The following TIAM1 variants were observed in gnomAD, a reference collection of about 807,000 sequenced individuals.
TIAM1 encodes the protein rho guanine nucleotide exchange factor TIAM1.
Under a neutral mutation model 163.5 loss-of-function variants are expected in TIAM1, and 65 were observed. That is an observed-to-expected ratio of 0.40 (90% CI 0.33 to 0.49). The LOEUF (loss-of-function observed/expected upper bound fraction) is 0.49. Among genes scored for constraint, TIAM1 ranks in the 20% least tolerant of loss-of-function variants. TIAM1 has a pLI of 0.77. For synonymous variants in TIAM1, 833 were observed against 810.1 expected (o/e 1.03, Z -0.48); for missense variants, 1,789 against 2,044.7 (o/e 0.87, Z 2.41).
Position 31,154,238 on chromosome 21 carries a change from G to T in TIAM1, c.3171+9C>A. 2 of 1,611,922 alleles carry T rather than the reference G, an allele frequency of 1.2e-6. No homozygotes were observed. The highest frequency in any genetic ancestry group is 8.5e-7 in the Non-Finnish European group (1 of 1,178,436). ...AGAGGGAGGGCAGGGGGAGAAAAAA[G>T]AAACATACCTTCACGTAGGTGCGCT... On this transcript the variant is annotated intron_variant, in intron 17 of 27. Coordinates refer to ENST00000541036, the MANE Select transcript of TIAM1 (RefSeq NM_001353694.2).
At chr21:31,317,311 G>A (rs189665028) in intron 2 of TIAM1, among the ~76,000 whole-genome samples, 40 of 151,860 alleles carry the variant, frequency 2.6e-4, no homozygotes, top group East Asian at 5.9e-4. Context: ...AAAATTAGCC[G>A]GGCGTGGTGG....
chr21:31,449,373 CTTATT>C (rs1335696532), intron 2 of TIAM1, among the ~76,000 whole-genome samples: 3 of 151,750 alleles, frequency 2.0e-5, no homozygotes, highest in Admixed American at 6.6e-5. Flanking sequence ...TGTTTTGTTT[CTTATT>C]TTATTTATTT....
chr21:31,455,607 A>G (rs942721523), intron 2 of TIAM1, among the ~76,000 whole-genome samples: 2 of 152,026 alleles, frequency 1.3e-5, no homozygotes, highest in African/African-American at 4.8e-5. Flanking sequence ...GAATGAGAGT[A>G]ATGAAATATA....
chr21:31,263,777 G>A (rs1031964857), intron 4 of TIAM1, among the ~76,000 whole-genome samples: 8 of 152,128 alleles, frequency 5.3e-5, no homozygotes, highest in African/African-American at 1.4e-4. Context: ...AACAGTCTGC[G>A]TCACTGTATC....
At chr21:31,384,741 C>T (rs908390291) in intron 2 of TIAM1, among the ~76,000 whole-genome samples, 1 of 152,056 alleles carries the variant, frequency 6.6e-6, no homozygotes, top group African/African-American at 2.4e-5. Context: ...CAGTGGAGAC[C>T]CAAGAGGGTT....
intron 9 of TIAM1, among the ~76,000 whole-genome samples, chr21:31,215,478 T>C (rs2146586137): frequency 6.7e-6 from 1 of 150,246 alleles, no homozygotes; most frequent in South Asian, 2.1e-4. Context: ...AGAGAATCAC[T>C]TGAACCCAGG....
chr21:31,427,025 A>G (rs111385520), intron 2 of TIAM1, among the ~76,000 whole-genome samples: 3 of 152,236 alleles, frequency 2.0e-5, no homozygotes, highest in African/African-American at 7.2e-5. Context: ...GGCTCAAGCA[A>G]TCCTCCCACC....
intron 11 of TIAM1, 110 bp downstream of exon 11, chr21:31,209,934 GT>G (rs1326713445): frequency 8.3e-7 from 1 of 1,198,806 alleles, no homozygotes; most frequent in Non-Finnish European, 1.1e-6. Flanking sequence ...AGGGAGGTGT[GT>G]TTTAAGCACC....
At chr21:31,387,195 CTTT>C (rs60592178) in intron 2 of TIAM1, among the ~76,000 whole-genome samples, 26 of 75,152 alleles carry the variant, frequency 3.5e-4, no homozygotes, top group African/African-American at 1.1e-3. Flanking sequence ...AGCTTATTCT[CTTT>C]TTTTTTTTTT....
intron 2 of TIAM1, among the ~76,000 whole-genome samples, chr21:31,436,873 G>C (rs2044227596): frequency 6.6e-6 from 1 of 151,818 alleles, no homozygotes; most frequent in South Asian, 2.1e-4. Flanking sequence ...CAGGAGAATC[G>C]CTTGCACCCA....
chr21:31,555,953 G>A (rs1457647426), intron 1 of TIAM1, among the ~76,000 whole-genome samples: 1 of 152,078 alleles, frequency 6.6e-6, no homozygotes, highest in South Asian at 2.1e-4. Flanking sequence ...CTGGTTTAGA[G>A]GGGGAGGGGA....
At chr21:31,309,896 C>T (rs1248160436) in intron 2 of TIAM1, among the ~76,000 whole-genome samples, 1 of 152,180 alleles carries the variant, frequency 6.6e-6, no homozygotes, top group African/African-American at 2.4e-5. Context: ...GTAAAAAACC[C>T]AAATCCCCTT....
chr21:31,530,015 T>C (rs1360421944), intron 1 of TIAM1, among the ~76,000 whole-genome samples: 3 of 152,108 alleles, frequency 2.0e-5, no homozygotes, highest in African/African-American at 4.8e-5. Flanking sequence ...TACTAACACG[T>C]TGGAAGGCAA....
chr21:31,439,671 AATATGTAT>A (rs150978782), intron 2 of TIAM1, among the ~76,000 whole-genome samples: 6,578 of 152,306 alleles, frequency 0.043, 186 homozygotes, highest in Non-Finnish European at 0.066. Context: ...ACCAGTCATT[AATATGTAT>A]AAGCTTCCTA....
intron 1 of TIAM1, among the ~76,000 whole-genome samples, chr21:31,505,640 T>C (rs540981995): frequency 4.4e-4 from 67 of 152,272 alleles, no homozygotes; most frequent in African/African-American, 1.6e-3. Context: ...CCGTCTTAGA[T>C]GTTTAAAGCC....
intron 2 of TIAM1, among the ~76,000 whole-genome samples, chr21:31,306,845 C>T (rs531268651): frequency 8.9e-4 from 135 of 152,280 alleles, no homozygotes; most frequent in African/African-American, 2.7e-3. Context: ...CGTTTTCCAG[C>T]GCCCCGATTG....
At chr21:31,142,653 A>AAG (rs2082908527) in intron 20 of TIAM1, among the ~76,000 whole-genome samples, 11 of 151,774 alleles carry the variant, frequency 7.2e-5, no homozygotes, top group African/African-American at 2.4e-4. Flanking sequence ...AAAAGAAAGA[A>AAG]AAAAAGAAAA....
intron 8 of TIAM1, among the ~76,000 whole-genome samples, chr21:31,221,498 T>C (rs747809322): frequency 9.2e-5 from 14 of 152,134 alleles, no homozygotes; most frequent in Admixed American, 3.9e-4. Context: ...TACACACACA[T>C]CACAGACATT....
At chr21:31,482,313 G>A (rs761801435) in intron 1 of TIAM1, among the ~76,000 whole-genome samples, 13 of 151,818 alleles carry the variant, frequency 8.6e-5, no homozygotes, top group Middle Eastern at 3.2e-3. Context: ...CACCATGCCC[G>A]GCTAATTTTT....
Sources: gnomAD v4.1 joint callset for allele counts (sites outside exome capture counted in the v4.1 genomes callset) on GRCh38, gnomAD v4.1.1 for gene constraint, MANE v1.5 for transcripts, NCBI Gene and HGNC (gene_info 2026-07-23, HGNC 2026-07-21) for gene names.